Variants in CNTN1 observed in about 807,000 individuals in gnomAD.
CNTN1 encodes contactin 1.
In CNTN1, 38 loss-of-function variants were observed where a neutral mutation model predicts 126.4. The observed-to-expected ratio is 0.30, with a 90% CI of 0.23 to 0.39. The LOEUF is 0.39. Among genes scored for constraint, CNTN1 ranks in the 10% least tolerant of loss-of-function variants. CNTN1 has a pLI of 1.00. For synonymous variants in CNTN1, 413 were observed against 422.6 expected, an observed-to-expected ratio of 0.98 and a Z score of 0.28; for missense variants, 1,009 against 1,248.4, an observed-to-expected ratio of 0.81 and a Z score of 2.89.
chr12:40,903,992 G>C (rs1378957546), intron 1 of CNTN1, among the ~76,000 whole-genome samples: 1 of 152,058 alleles, frequency 6.6e-6, no homozygotes, highest in East Asian at 1.9e-4. Context: ...CCCAGTAATA[G>C]ACATTTTCTT....
At chr12:40,720,003 ATTTTTT>A (rs561694238) in intron 1 of CNTN1, among the ~76,000 whole-genome samples, 1 of 127,238 alleles carries the variant, frequency 7.9e-6, no homozygotes, top group East Asian at 2.3e-4. Flanking sequence ...CGCCCGGTTA[ATTTTTT>A]TTTTTTTTTT....
At chr12:40,698,047 A>G (rs1475806290) in intron 1 of CNTN1, among the ~76,000 whole-genome samples, 1 of 151,960 alleles carries the variant, frequency 6.6e-6, no homozygotes, top group African/African-American at 2.4e-5. Context: ...TGAGCATGTC[A>G]CCACTTTTCC....
At position 40,771,541 on chromosome 12, in the gene CNTN1, A is replaced by G. The variant is rs1015899143; in HGVS notation, c.-77+78949A>G. ...CCAGACAGAGGAAACCTGACTATTT[A>G]TCTAATCTGTGCTGATGCAGAAAGT... On this transcript the variant is annotated intron_variant, in intron 1 of 23. Coordinates refer to ENST00000551295, the MANE Select transcript of CNTN1 (RefSeq NM_001843.4). 2.0e-5 allele frequency among the ~76,000 whole-genome samples: 3 copies of G among 152,184 alleles called. No homozygotes were observed. In the South Asian group the frequency reaches 6.2e-4, roughly 32 times the overall value.
chr12:40,939,475 A>G lies in CNTN1; in HGVS notation c.1369A>G (p.Asn457Asp), dbSNP rs138213139. The G allele has an allele frequency of 4.1e-5, 66 of 1,613,706 alleles. 1 individual carries two copies. The African/African-American group carries it at 8.1e-4, about 20-fold the overall frequency. Reference sequence around the variant, plus strand: ...GAGTAAAGGGACAGAGTGGCTTGTCAATAGCAGCAGGTCAGTGCTGAAACT... The same window carrying G: ...GAGTAAAGGGACAGAGTGGCTTGTCGATAGCAGCAGGTCAGTGCTGAAACT... Reference protein sequence around the residue: ...SWSKGTEWLVNSSRILIWEDG... With the variant: ...SWSKGTEWLVDSSRILIWEDG... Residue 457 changes from asparagine to aspartate, a missense_variant, in exon 12 of 24, where the codon AAT becomes GAT. Transcript: ENST00000551295.
chr12:41,050,318 A>G (rs1366014210), intron 23 of CNTN1, among the ~76,000 whole-genome samples: 3 of 152,226 alleles, frequency 2.0e-5, no homozygotes, highest in Non-Finnish European at 4.4e-5. Flanking sequence ...TAAAGAAAAG[A>G]GGTTTAATTG....
intron 9 of CNTN1, 114 bp downstream of exon 9, chr12:40,933,992 G>A: frequency 1.3e-6 from 1 of 781,154 alleles, no homozygotes; most frequent in Non-Finnish European, 2.1e-6. Context: ...AGTGATGCAT[G>A]TTACATCATG....
chr12:41,064,603 TGATA>T (rs1950010934), intron 23 of CNTN1, among the ~76,000 whole-genome samples: 1 of 152,054 alleles, frequency 6.6e-6, no homozygotes, highest in Admixed American at 6.6e-5. Flanking sequence ...TTCCATGGGG[TGATA>T]GAGTTGCGGG....
chr12:40,937,455 A>G, intron 10 of CNTN1, 115 bp from the exon 11 acceptor site: 2 of 746,364 alleles, frequency 2.7e-6, no homozygotes, highest in Non-Finnish European at 4.8e-6. Flanking sequence ...CTTAGGTAAC[A>G]GTGGGGGCAG....
intron 17 of CNTN1, among the ~76,000 whole-genome samples, chr12:41,004,698 CT>C (rs142338153): frequency 1.3e-5 from 2 of 151,948 alleles, no homozygotes; most frequent in African/African-American, 4.8e-5. Context: ...ATTCCCTTGA[CT>C]TTTTTTATCT....
intron 1 of CNTN1, among the ~76,000 whole-genome samples, chr12:40,881,776 T>G (rs188013602): frequency 6.6e-6 from 1 of 151,956 alleles, no homozygotes; most frequent in African/African-American, 2.4e-5. Flanking sequence ...TGTCTAAATT[T>G]TTCCTCATGT....
chr12:40,727,935 A>G (rs1942400087), intron 1 of CNTN1, among the ~76,000 whole-genome samples: 1 of 152,204 alleles, frequency 6.6e-6, no homozygotes, highest in Admixed American at 6.5e-5. Context: ...CATCCAAATG[A>G]CCCTGTAGAG....
intron 3 of CNTN1, among the ~76,000 whole-genome samples, chr12:40,914,224 A>T (rs1945150037): frequency 6.6e-6 from 1 of 152,182 alleles, no homozygotes; most frequent in Non-Finnish European, 1.5e-5. Flanking sequence ...TAGGCTGAGA[A>T]CATAATGCTT....
chr12:40,977,808 T>C (rs1252268740), intron 15 of CNTN1, among the ~76,000 whole-genome samples: 1 of 108,674 alleles, frequency 9.2e-6, no homozygotes, highest in East Asian at 2.5e-4. Context: ...TTTGTTTTGT[T>C]TTGTTTTGTT....
chr12:40,805,398 C>G (rs1940812053), intron 1 of CNTN1, among the ~76,000 whole-genome samples: 3 of 151,956 alleles, frequency 2.0e-5, no homozygotes, highest in Admixed American at 1.3e-4. Context: ...TTCTATTAGG[C>G]TATCCTTAAG....
At chr12:40,759,947 C>G (rs1266727603) in intron 1 of CNTN1, among the ~76,000 whole-genome samples, 2 of 152,034 alleles carry the variant, frequency 1.3e-5, no homozygotes, top group Non-Finnish European at 2.9e-5. Context: ...CACTCCCTTA[C>G]CCAGCTATGG....
intron 1 of CNTN1, among the ~76,000 whole-genome samples, chr12:40,775,372 G>A (rs1247861678): frequency 6.6e-6 from 1 of 151,130 alleles, no homozygotes; most frequent in African/African-American, 2.4e-5. Context: ...AAAATTTTTA[G>A]GTATGAGATA....
intron 17 of CNTN1, among the ~76,000 whole-genome samples, chr12:41,006,396 G>A (rs1176836635): frequency 1.3e-5 from 2 of 152,182 alleles, no homozygotes; most frequent in Non-Finnish European, 2.9e-5. Context: ...CAGCTGGCAG[G>A]CAGGAGCAGA....
chr12:40,851,887 A>G (rs1041995164), intron 1 of CNTN1, among the ~76,000 whole-genome samples: 3 of 152,166 alleles, frequency 2.0e-5, no homozygotes, highest in Non-Finnish European at 4.4e-5. Flanking sequence ...ATGGCATTTC[A>G]TAGGACATAT....
intron 23 of CNTN1, among the ~76,000 whole-genome samples, chr12:41,043,272 A>G (rs1485133302): frequency 6.6e-6 from 1 of 152,200 alleles, no homozygotes; most frequent in African/African-American, 2.4e-5. Context: ...GCTAATATCC[A>G]GAATCTACAA....
Sources: allele counts gnomAD v4.1 joint callset (sites outside exome capture counted in the v4.1 genomes callset), GRCh38; gene constraint gnomAD v4.1.1; transcripts MANE v1.5; gene names NCBI Gene and HGNC (gene_info 2026-07-23, HGNC 2026-07-21).